NEK10: variants seen among roughly 807,000 people sequenced by gnomAD.
NEK10 encodes NIMA related kinase 10.
In NEK10, 122 loss-of-function variants were observed where a neutral mutation model predicts 159.8. That is an observed-to-expected ratio of 0.76 (90% confidence interval 0.66 to 0.89). NEK10 has a LOEUF of 0.89. Ranked by LOEUF, NEK10 falls within the 40% of genes least tolerant of loss-of-function variation. The probability of loss-of-function intolerance (pLI) is 0.00; values close to 1 mark genes in which losing one functional copy is unlikely to be tolerated. For synonymous variants in NEK10, 466 were observed against 457.1 expected (o/e 1.02, Z -0.25); for missense variants, 1,342 against 1,323.1 (o/e 1.01, Z -0.22).
At chr3:27,241,367 G>T (rs772923824) in intron 23 of NEK10, among the ~76,000 whole-genome samples, 8 of 152,230 alleles carry the variant, frequency 5.3e-5, no homozygotes, top group Non-Finnish European at 1.0e-4. Flanking sequence ...ACACTGGACT[G>T]AATTCCAACC....
chr3:27,137,843 G>A (rs186942861), intron 31 of NEK10, among the ~76,000 whole-genome samples: 5 of 152,182 alleles, frequency 3.3e-5, no homozygotes, highest in African/African-American at 4.8e-5. Context: ...GACTACCCAG[G>A]CTAAAGGGAA....
At chr3:27,235,139 TA>T (rs1953766196) in intron 23 of NEK10, among the ~76,000 whole-genome samples, 1 of 152,068 alleles carries the variant, frequency 6.6e-6, no homozygotes, top group African/African-American at 2.4e-5. Context: ...GACTTAAATC[TA>T]AAACCCAAAA....
rs566722140 is a variant in NEK10 at position 27,171,984 on chromosome 3, A to T, written c.2777-111T>A. The T allele has an allele frequency of 4.9e-5, 57 of 1,158,842 alleles. No homozygotes were observed. The African/African-American group carries it at 7.6e-4, about 15-fold the overall frequency. The allele number at this position is 1,158,842 out of a possible 1,614,324, so 71.8% of individuals were successfully genotyped here. ...ACAAATACTGGTGAAGATGCAGAGAAAAGGGAACTCATACACTGTTGGTGG... is the reference window on the plus strand; with the variant it reads ...ACAAATACTGGTGAAGATGCAGAGATAAGGGAACTCATACACTGTTGGTGG... On this transcript the variant is annotated intron_variant, in intron 28 of 35. Transcript: ENST00000691995.
intron 5 of NEK10, among the ~76,000 whole-genome samples, chr3:27,323,600 G>GA (rs2045805649): frequency 7.1e-6 from 1 of 140,190 alleles, no homozygotes; most frequent in South Asian, 2.3e-4. Flanking sequence ...CTGTTCAGAG[G>GA]GGGGAAAAAA....
chr3:27,207,033 G>T (rs1235205030), intron 23 of NEK10, among the ~76,000 whole-genome samples: 1 of 152,158 alleles, frequency 6.6e-6, no homozygotes, highest in African/African-American at 2.4e-5. Context: ...AAATATGTGT[G>T]TGTGCTATGG....
chr3:27,108,171 G>A lies in NEK10; in HGVS notation c.*3101C>T, dbSNP rs1250998034. On this transcript the variant is annotated 3_prime_UTR_variant, in exon 36 of 36. Transcript: ENST00000691995. ...ACTCTTAATCAATTATATCATTTGAGTAAATTTCCTAACAGTGTTTCTTAA... is the reference window on the plus strand; with the variant it reads ...ACTCTTAATCAATTATATCATTTGAATAAATTTCCTAACAGTGTTTCTTAA... 6.6e-6 allele frequency among the ~76,000 whole-genome samples: 1 copy of A among 152,202 alleles called. No individual in the cohort carries two copies. Among genetic ancestry groups the A allele is most frequent in the Admixed American group, 6.5e-5 (1 of 15,280 alleles).
At chr3:27,216,833 T>G (rs1421683223) in intron 23 of NEK10, among the ~76,000 whole-genome samples, 2 of 152,212 alleles carry the variant, frequency 1.3e-5, no homozygotes, top group African/African-American at 4.8e-5. Flanking sequence ...AAATAAATTA[T>G]TATTATTGTA....
At position 27,192,058 on chromosome 3, in the gene NEK10, A is replaced by G. The variant is rs774271107; in HGVS notation, c.2476T>C (p.Cys826Arg). Residue 826 changes from cysteine (C) to arginine (R), a missense_variant, in exon 26 of 36, where the codon TGT becomes CGT. Cys to Arg is a radical substitution (Grantham distance 180). Coordinates refer to ENST00000691995, the MANE Select transcript of NEK10 (RefSeq NM_001394966.1). ...GATAGAACAGCCAGCTCATGGTGAC[A>G]TGTGACGGTGTTCCGGTTGGCTTCC... is the stretch of plus-strand genomic sequence containing the variant. ...FMEANRNTVT[C>R]HHELAVLSHE... 7 of 1,614,194 alleles carry G rather than the reference A, an allele frequency of 4.3e-6. No individual in the cohort carries two copies. The South Asian group carries it at 5.5e-5, about 13-fold the overall frequency.
chr3:27,277,922 C>A (rs186020245), intron 22 of NEK10, among the ~76,000 whole-genome samples: 25 of 152,302 alleles, frequency 1.6e-4, no homozygotes, highest in Admixed American at 1.0e-3. Flanking sequence ...ACAGAGGAAG[C>A]TCCCTTATTG....
At chr3:27,291,458 C>A in intron 17 of NEK10, 26 bp downstream of exon 17, 2 of 1,601,412 alleles carry the variant, frequency 1.2e-6, no homozygotes, top group Non-Finnish European at 1.7e-6. Context: ...AGCAGCCTGC[C>A]AAAATATTGA....
rs548265757 is a variant in NEK10 at position 27,269,527 on chromosome 3, G to A, written c.2015-13156C>T. ...ATGATTGTTAGCACTTTTTAGCAAC[G>A]AATTATGTTTTAATTGAGGTATGTG... On this transcript the variant is annotated intron_variant, in intron 22 of 35. Coordinates refer to ENST00000691995, the MANE Select transcript of NEK10 (RefSeq NM_001394966.1). 2.0e-5 allele frequency among the ~76,000 whole-genome samples: 3 copies of A among 152,294 alleles called. No homozygotes were observed. In the East Asian group the frequency reaches 5.8e-4, roughly 29 times the overall value.
Position 27,131,948 on chromosome 3 carries a change from C to G in NEK10, c.3013G>C (p.Glu1005Gln). ...LHHNLKRRVIERFKKSLFSQQ... is the reference protein window; with the variant it reads ...LHHNLKRRVIQRFKKSLFSQQ... ...CTGAAGAGGGATTTCTTGAATCTCT[C>G]TATAACCCTTCTTTTCAAATTGTGG... The change falls in exon 32 of 36, where the codon GAG becomes CAG. Residue 1005 changes from glutamate (E) to glutamine (Q), a missense_variant. Coordinates refer to ENST00000691995, the MANE Select transcript of NEK10 (RefSeq NM_001394966.1). 1 of 1,608,992 alleles carries G rather than the reference C, an allele frequency of 6.2e-7. No homozygotes were observed. Among genetic ancestry groups the G allele is most frequent in the Non-Finnish European group, 8.5e-7 (1 of 1,176,434 alleles).
intron 23 of NEK10, among the ~76,000 whole-genome samples, chr3:27,244,700 T>G (rs1954887589): frequency 6.6e-6 from 1 of 152,146 alleles, no homozygotes; most frequent in South Asian, 2.1e-4. Context: ...AGCCCCTGTG[T>G]AGCCTGCACC....
intron 23 of NEK10, among the ~76,000 whole-genome samples, chr3:27,218,988 C>T (rs1305362412): frequency 6.6e-6 from 1 of 152,242 alleles, no homozygotes; most frequent in African/African-American, 2.4e-5. Flanking sequence ...TGTTCTCCCT[C>T]AACACAAGAA....
chr3:27,121,918 C>T (rs1232005204), intron 32 of NEK10, among the ~76,000 whole-genome samples: 2 of 151,900 alleles, frequency 1.3e-5, no homozygotes, highest in African/African-American at 4.8e-5. Context: ...TGTATATGTA[C>T]CTCATTGTAC....
chr3:27,286,338 A>G (rs549548093), intron 20 of NEK10, among the ~76,000 whole-genome samples: 9 of 151,256 alleles, frequency 6.0e-5, no homozygotes, highest in Admixed American at 2.6e-4. Context: ...GGCCCATCTC[A>G]GCCTCCCAAA....
At chr3:27,218,268 A>G (rs1365413487) in intron 23 of NEK10, among the ~76,000 whole-genome samples, 1 of 152,194 alleles carries the variant, frequency 6.6e-6, no homozygotes, top group Non-Finnish European at 1.5e-5. Flanking sequence ...CTATTTTCAA[A>G]CTGCAGTTGA....
chr3:27,319,891 A>C (rs566296423), intron 6 of NEK10, among the ~76,000 whole-genome samples: 223 of 152,264 alleles, frequency 1.5e-3, no homozygotes, highest in African/African-American at 4.9e-3. Context: ...AAAAGTGAAG[A>C]TGGCTTGGAA....
chr3:27,279,898 G>A lies in NEK10; in HGVS notation c.2014+4704C>T, dbSNP rs868699099. Among the ~76,000 whole-genome samples, 12 of 152,092 alleles carry A rather than the reference G, an allele frequency of 7.9e-5. 1 individual carries two copies. The East Asian group carries it at 1.7e-3, about 22-fold the overall frequency. The stretch of plus-strand genomic sequence containing the variant: ...TAAAATCTGGAAGTAGGCCGAGCGC[G>A]GTGGCTCACGCCTGTAATCCCAGCA... On this transcript the variant is annotated intron_variant, in intron 22 of 35. Coordinates refer to ENST00000691995, the MANE Select transcript of NEK10 (RefSeq NM_001394966.1).
Sources: allele counts gnomAD v4.1 joint callset (sites outside exome capture counted in the v4.1 genomes callset), GRCh38; gene constraint gnomAD v4.1.1; transcripts MANE v1.5; gene names NCBI Gene and HGNC (gene_info 2026-07-23, HGNC 2026-07-21).